AGBL1: variants seen among roughly 807,000 people sequenced by gnomAD.
AGBL1 encodes the protein AGBL carboxypeptidase 1.
A neutral mutation model predicts 118.9 loss-of-function variants in AGBL1; 130 were observed. That is an observed-to-expected ratio of 1.09 (90% CI 0.95 to 1.26). The LOEUF (loss-of-function observed/expected upper bound fraction) is 1.26, where lower values mean the gene tolerates loss of function less well. Ranked by LOEUF, AGBL1 falls within the 50% of genes most tolerant of loss-of-function variation. The probability of loss-of-function intolerance (pLI) is 0.00; values close to 1 mark genes in which losing one functional copy is unlikely to be tolerated. For synonymous variants in AGBL1, 555 were observed against 478.9 expected (o/e 1.16, Z -2.08); for missense variants, 1,584 against 1,298.1 (o/e 1.22, Z -3.38).
intron 22 of AGBL1, among the ~76,000 whole-genome samples, chr15:86,777,961 G>A (rs562860211): frequency 3.4e-4 from 51 of 152,180 alleles, no homozygotes; most frequent in Admixed American, 1.0e-3. Flanking sequence ...GATATCGGGC[G>A]AAGTTCACCC....
chr15:86,302,489 C>A, intron 17 of AGBL1, among the ~76,000 whole-genome samples: 1 of 151,842 alleles, frequency 6.6e-6, no homozygotes, highest in East Asian at 1.9e-4. Flanking sequence ...TTGAAAATCT[C>A]AGGGTGGACA....
intron 9 of AGBL1, among the ~76,000 whole-genome samples, chr15:86,261,842 A>G (rs1369426803): frequency 6.6e-6 from 1 of 152,036 alleles, no homozygotes; most frequent in Non-Finnish European, 1.5e-5. Flanking sequence ...TAAATAAAAG[A>G]CTCACGGTGC....
chr15:86,496,813 A>G (rs1418888564), intron 18 of AGBL1, among the ~76,000 whole-genome samples: 4 of 152,074 alleles, frequency 2.6e-5, no homozygotes, highest in Non-Finnish European at 2.9e-5. Flanking sequence ...ACTGTCATAC[A>G]AGAAATAAAA....
intron 21 of AGBL1, among the ~76,000 whole-genome samples, chr15:86,628,323 G>A (rs1296254297): frequency 5.3e-5 from 8 of 152,288 alleles, no homozygotes; most frequent in African/African-American, 1.7e-4. Context: ...TGTATATTCA[G>A]TTAGGAGACA....
At chr15:86,452,576 T>A (rs2082208324) in intron 18 of AGBL1, among the ~76,000 whole-genome samples, 1 of 152,020 alleles carries the variant, frequency 6.6e-6, no homozygotes, top group African/African-American at 2.4e-5. Flanking sequence ...AAACTTTACC[T>A]ATCCTATTTA....
At chr15:86,291,939 C>A (rs1398937553) in intron 16 of AGBL1, among the ~76,000 whole-genome samples, 1 of 152,158 alleles carries the variant, frequency 6.6e-6, no homozygotes, top group Non-Finnish European at 1.5e-5. Context: ...TTTTATTTAT[C>A]TTGAATCTGG....
intron 18 of AGBL1, among the ~76,000 whole-genome samples, chr15:86,453,873 A>C (rs1449296213): frequency 6.6e-6 from 1 of 152,258 alleles, no homozygotes; most frequent in African/African-American, 2.4e-5. Flanking sequence ...TTTGTAATAG[A>C]TATGATAGAT....
At position 86,318,572 on chromosome 15, in the gene AGBL1, T is replaced by A. The variant is rs138381873; in HGVS notation, c.2374+23164T>A. On this transcript the variant is annotated intron_variant, in intron 17 of 22. Transcript: ENST00000614907. ...GTCCAAAGACCACTAGAGCCAGATG[T>A]GTAGTCAAACAATGTTAGAGTTATT... Among the ~76,000 whole-genome samples the A allele has an allele frequency of 1.6e-3, 237 of 152,086 alleles. 5 individuals are homozygous for A. The East Asian group carries it at 0.038, about 24-fold the overall frequency.
intron 17 of AGBL1, among the ~76,000 whole-genome samples, chr15:86,352,879 T>A (rs1197639504): frequency 2.0e-5 from 3 of 152,234 alleles, no homozygotes; most frequent in Non-Finnish European, 4.4e-5. Flanking sequence ...TCTAGAGACC[T>A]CAGGTTATGA....
At chr15:86,856,708 AAGTT>A (rs2079486856) in intron 22 of AGBL1, among the ~76,000 whole-genome samples, 1 of 152,210 alleles carries the variant, frequency 6.6e-6, no homozygotes, top group Non-Finnish European at 1.5e-5. Flanking sequence ...ATGTGCAAAA[AAGTT>A]AGTTACCTAG....
Position 86,410,841 on chromosome 15 carries a change from T to TAA in AGBL1, c.2555+13296_2555+13297dup, listed in dbSNP as rs1555481485. ...ATATATATATATATATATATATATATAATATACTATTTTATATATAAAATA... is the reference window on the plus strand; with the variant it reads ...ATATATATATATATATATATATATATAAAATATACTATTTTATATATAAAATA... On this transcript the variant is annotated intron_variant, in intron 18 of 22. Transcript: ENST00000614907. 4.7e-3 allele frequency among the ~76,000 whole-genome samples: 304 copies of TAA among 64,432 alleles called. 7 individuals are homozygous for TAA. The highest frequency in any genetic ancestry group is 0.047 in the Middle Eastern group (7 of 150). The allele number at this position is 64,432 out of a possible 152,430, so 42.3% of individuals were successfully genotyped here.
At chr15:86,679,672 G>A (rs1439589721) in intron 22 of AGBL1, among the ~76,000 whole-genome samples, 1 of 152,026 alleles carries the variant, frequency 6.6e-6, no homozygotes, top group Non-Finnish European at 1.5e-5. Context: ...TAAGAATTAA[G>A]TGAAATGGCT....
chr15:86,292,130 C>A (rs937548071), intron 16 of AGBL1, among the ~76,000 whole-genome samples: 5 of 152,130 alleles, frequency 3.3e-5, no homozygotes, highest in African/African-American at 4.8e-5. Flanking sequence ...TGTTACTTTA[C>A]ATGGTAAGGG....
chr15:86,542,724 T>C (rs917559812), intron 19 of AGBL1, among the ~76,000 whole-genome samples: 1 of 152,096 alleles, frequency 6.6e-6, no homozygotes, highest in Non-Finnish European at 1.5e-5. Context: ...AGAGGCCAAG[T>C]GGTAGCACTT....
At chr15:86,633,930 C>T (rs1446422292) in intron 21 of AGBL1, among the ~76,000 whole-genome samples, 2 of 149,206 alleles carry the variant, frequency 1.3e-5, no homozygotes, top group African/African-American at 4.9e-5. Flanking sequence ...TAATCCACCA[C>T]ACATAAAGTG....
chr15:86,146,038 G>A (rs2077029427), intron 3 of AGBL1, among the ~76,000 whole-genome samples: 1 of 152,078 alleles, frequency 6.6e-6, no homozygotes, highest in African/African-American at 2.4e-5. Flanking sequence ...GGTCATAAAC[G>A]GTATAAGCTG....
chr15:86,172,586 A>C (rs1359095926), intron 5 of AGBL1, among the ~76,000 whole-genome samples: 1 of 152,170 alleles, frequency 6.6e-6, no homozygotes, highest in African/African-American at 2.4e-5. Flanking sequence ...CATGTGACTG[A>C]GAAAAATGTG....
intron 24 of AGBL1, among the ~76,000 whole-genome samples, chr15:86,994,290 C>A (rs1005617194): frequency 6.6e-6 from 1 of 150,628 alleles, no homozygotes; most frequent in Non-Finnish European, 1.5e-5. Context: ...GCCTAAACAA[C>A]AAGGGAATAT....
intron 7 of AGBL1, among the ~76,000 whole-genome samples, chr15:86,255,805 A>G (rs1256682477): frequency 1.3e-5 from 2 of 152,136 alleles, no homozygotes; most frequent in African/African-American, 4.8e-5. Flanking sequence ...TGACTTACTT[A>G]TATTTTGGAG....
Sources: allele counts gnomAD v4.1 joint callset (sites outside exome capture counted in the v4.1 genomes callset), GRCh38; gene constraint gnomAD v4.1.1; transcripts MANE v1.5; gene names NCBI Gene and HGNC (gene_info 2026-07-23, HGNC 2026-07-21).